The following PCDHB9 variants were observed in gnomAD, a reference collection of about 807,000 sequenced individuals.
PCDHB9 encodes protocadherin beta 9, also known as protocadherin beta-9.
For synonymous variants in PCDHB9, 501 were observed against 439.7 expected, an observed-to-expected ratio of 1.14 and a Z score of -1.75; for missense variants, 1,072 against 995.1, an observed-to-expected ratio of 1.08 and a Z score of -1.04.
chr5:141,188,267 A>G lies in PCDHB9; in HGVS notation c.949A>G (p.Ile317Val), dbSNP rs904408944. ...TTATGAGTTAGTAAATTCTTACAAA[A>G]TAAATATACAGGCAATGGACGGCGG... ...LDYELVNSYK[I>V]NIQAMDGGGL... Residue 317 changes from isoleucine (I) to valine (V), a missense_variant, in exon 1 of 1, where the codon ATA becomes GTA. Ile to Val is a conservative substitution (Grantham distance 29). Coordinates refer to ENST00000316105, the MANE Select transcript of PCDHB9 (RefSeq NM_019119.5). 2.5e-6 allele frequency: 4 copies of G among 1,614,094 alleles called. No individual in the cohort carries two copies. The South Asian group carries it at 4.4e-5, about 18-fold the overall frequency.
chr5:141,189,272 C>G lies in PCDHB9; in HGVS notation c.1954C>G (p.Arg652Gly). Residue 652 changes from arginine to glycine, a missense_variant, in exon 1 of 1, where the codon CGC becomes GGC. Physicochemically the swap from Arg to Gly is moderately radical, Grantham distance 125. Transcript: ENST00000316105. ...VLVKDNGEPP[R>G]SATATLHVLL... ...TGTCAAGGACAATGGCGAGCCTCCT[C>G]GCTCGGCCACCGCCACGCTGCACGT... 1 of 1,605,750 alleles carries G rather than the reference C, an allele frequency of 6.2e-7. No individual in the cohort carries two copies. The highest frequency in any genetic ancestry group is 8.5e-7 in the Non-Finnish European group (1 of 1,177,726).
chr5:141,189,462 G>A lies in PCDHB9; in HGVS notation c.2144G>A (p.Arg715Lys). 3 of 1,612,640 alleles carry A rather than the reference G, an allele frequency of 1.9e-6. No individual in the cohort carries two copies. Among genetic ancestry groups the A allele is most frequent in the Middle Eastern group, 1.9e-4 (1 of 5,276 alleles). The stretch of plus-strand genomic sequence containing the variant: ...CTGTTCGTGGCGGTGCGGCTGTGCA[G>A]GAGGAGCAGGGCGGCCTCGGTGGGT... ...VLLFVAVRLC[R>K]RSRAASVGRC... The change falls in exon 1 of 1, where the codon AGG becomes AAG. Residue 715 changes from arginine (R) to lysine (K), a missense_variant. Arg to Lys is a conservative substitution (Grantham distance 26). Transcript: ENST00000316105.
In PCDHB9 at chr5:141,188,585, G is replaced by A. The variant is rs372037482; in HGVS notation, c.1267G>A (p.Val423Ile). ...AGCTGAGTACAACATCACCATCACC[G>A]TCACTGACTTGGGGACACCCAGGCT... ...SKAEYNITIT[V>I]TDLGTPRLKT... Residue 423 changes from valine (V) to isoleucine (I), a missense_variant, in exon 1 of 1, where the codon GTC (valine) becomes ATC (isoleucine). Transcript: ENST00000316105. The A allele has an allele frequency of 2.9e-5, 47 of 1,613,998 alleles. No homozygotes were observed. The South Asian group carries it at 4.3e-4, about 15-fold the overall frequency.
chr5:141,191,398 TGCA>T lies in PCDHB9; in HGVS notation c.*1688_*1690del, dbSNP rs1753901211. On this transcript the variant is annotated 3_prime_UTR_variant, in exon 1 of 1. Transcript: ENST00000316105. The stretch of plus-strand genomic sequence containing the variant: ...CTGTTCTTTACCTCCCTTTATTTGG[TGCA>T]GAGAAGTTAGATCCTGCTAAATTTC... 2.0e-5 allele frequency: 3 copies of T among 152,306 alleles called. No individual in the cohort carries two copies. The South Asian group carries it at 6.2e-4, about 32-fold the overall frequency. The allele number at this position is 152,306 out of a possible 1,614,324, so 9.4% of individuals were successfully genotyped here.
rs1554283125 is a variant in PCDHB9 at position 141,188,796 on chromosome 5, C to T, written c.1478C>T (p.Pro493Leu). 1.9e-6 allele frequency: 3 copies of T among 1,612,954 alleles called. No homozygotes were observed. Among genetic ancestry groups the T allele is most frequent in the Non-Finnish European group, 2.5e-6 (3 of 1,180,026 alleles). Reference protein sequence around the residue: ...NAQVTYSLLPPQDPHLPLASL... With the variant: ...NAQVTYSLLPLQDPHLPLASL... Reference sequence around the variant, plus strand: ...CAGGTCACCTACTCGCTGCTGCCGCCCCAGGACCCACACCTGCCCCTCGCC... The same window carrying T: ...CAGGTCACCTACTCGCTGCTGCCGCTCCAGGACCCACACCTGCCCCTCGCC... The change falls in exon 1 of 1, where the codon CCC becomes CTC. Residue 493 changes from proline (P) to leucine (L), a missense_variant. Pro to Leu is a moderately conservative substitution (Grantham distance 98). Transcript: ENST00000316105.
Position 141,188,507 on chromosome 5 carries a change from G to A in PCDHB9, c.1189G>A (p.Val397Ile). The change falls in exon 1 of 1, where the codon GTT (valine) becomes ATT (isoleucine). Residue 397 changes from valine to isoleucine, a missense_variant. Transcript: ENST00000316105. ...TCTGCCTTTTTTTCTGAAACCGTCT[G>A]TTGACAATTTTTACATCCTAATGAC... ...DNLPFFLKPSVDNFYILMTEG... is the reference protein window; with the variant it reads ...DNLPFFLKPSIDNFYILMTEG... 6.2e-7 allele frequency: 1 copy of A among 1,614,182 alleles called. No homozygotes were observed. Among genetic ancestry groups the A allele is most frequent in the Non-Finnish European group, 8.5e-7 (1 of 1,180,030 alleles).
Position 141,188,803 on chromosome 5 carries a change from C to A in PCDHB9, c.1485C>A (p.Asp495Glu), listed in dbSNP as rs572314574. The change falls in exon 1 of 1, where the codon GAC becomes GAA. Residue 495 changes from aspartate to glutamate, a missense_variant. Transcript: ENST00000316105. The part of the protein sequence containing the change: ...QVTYSLLPPQ[D>E]PHLPLASLVS... The stretch of plus-strand genomic sequence containing the variant: ...CCTACTCGCTGCTGCCGCCCCAGGA[C>A]CCACACCTGCCCCTCGCCTCCCTGG... 6.2e-7 allele frequency: 1 copy of A among 1,612,954 alleles called. No individual in the cohort carries two copies. Among genetic ancestry groups the A allele is most frequent in the East Asian group, 2.2e-5 (1 of 44,890 alleles).
In PCDHB9 at chr5:141,188,715, C is replaced by T. The variant is rs782727781; in HGVS notation, c.1397C>T (p.Pro466Leu). 6.2e-7 allele frequency: 1 copy of T among 1,613,742 alleles called. No homozygotes were observed. Among genetic ancestry groups the T allele is most frequent in the South Asian group, 1.1e-5 (1 of 91,064 alleles). The change falls in exon 1 of 1, where the codon CCC becomes CTC. Residue 466 changes from proline (P) to leucine (L), a missense_variant. Physicochemically the swap from Pro to Leu is moderately conservative, Grantham distance 98. Coordinates refer to ENST00000316105, the MANE Select transcript of PCDHB9 (RefSeq NM_019119.5). ...CTGTTCGTCCGGGAGAACAACAGCCCCGCCCTGCACATCGGCAGTGTCAGC... is the reference window on the plus strand; with the variant it reads ...CTGTTCGTCCGGGAGAACAACAGCCTCGCCCTGCACATCGGCAGTGTCAGC... ...YTLFVRENNS[P>L]ALHIGSVSAT...
chr5:141,188,118 G>C lies in PCDHB9; in HGVS notation c.800G>C (p.Gly267Ala), dbSNP rs782259465. Residue 267 changes from glycine to alanine, a missense_variant, in exon 1 of 1, where the codon GGA becomes GCA. Transcript: ENST00000316105. ...TCCCTTATTGTTAAAGTGTCTGCAG[G>C]AGATGCAGACTCAGGAGTCAATGCA... ...VGSLIVKVSA[G>A]DADSGVNAEV... 1.9e-6 allele frequency: 3 copies of C among 1,613,060 alleles called. No individual in the cohort carries two copies. The African/African-American group carries it at 4.0e-5, about 22-fold the overall frequency.
In PCDHB9 at chr5:141,191,169, G is replaced by C. The variant is rs566788292; in HGVS notation, c.*1457G>C. 6.6e-6 allele frequency: 1 copy of C among 152,092 alleles called. No individual in the cohort carries two copies. The highest frequency in any genetic ancestry group is 2.4e-5 in the African/African-American group (1 of 41,370). 9.4% of individuals were successfully genotyped at this position (152,092 alleles called of 1,614,324 possible). On this transcript the variant is annotated 3_prime_UTR_variant, in exon 1 of 1. Transcript: ENST00000316105. ...CTCGGGAGGCTGAGGCAGGAGAATC[G>C]CTTGAACCCAGGAGGTGGAAGTTGC...
Position 141,189,914 on chromosome 5 carries a change from T to C in PCDHB9, c.*202T>C, listed in dbSNP as rs1753858958. The C allele has an allele frequency of 2.1e-6, 1 of 473,210 alleles. No homozygotes were observed. The highest frequency in any genetic ancestry group is 2.0e-5 in the African/African-American group (1 of 50,048). The allele number at this position is 473,210 out of a possible 1,614,324, so 29.3% of individuals were successfully genotyped here. On this transcript the variant is annotated 3_prime_UTR_variant, in exon 1 of 1. Transcript: ENST00000316105. ...TCTTACTAGAATCCCATAAGTGAAA[T>C]ATAATATTTTTCAAAGTTGATATCA...
rs782102619 is a variant in PCDHB9 at position 141,188,896 on chromosome 5, T to G, written c.1578T>G (p.Ala526=). ...CGCTGGACTACGAGGCCCTGCAGGC[T>G]TTCGACTTCCGCGTGGGCGCCTCAG... is the stretch of plus-strand genomic sequence containing the variant. ...LRSLDYEALQ[A]FDFRVGASDR... Residue 526 remains alanine, a synonymous_variant, in exon 1 of 1, where the codon GCT becomes GCG. Coordinates refer to ENST00000316105, the MANE Select transcript of PCDHB9 (RefSeq NM_019119.5). The G allele has an allele frequency of 4.1e-5, 66 of 1,612,352 alleles. No individual in the cohort carries two copies. Among genetic ancestry groups the G allele is most frequent in the Middle Eastern group, 2.1e-4 (1 of 4,822 alleles).
rs187432634 is a variant in PCDHB9, at chr5:141,187,922, C to A, written c.604C>A (p.Arg202=). The change falls in exon 1 of 1, where the codon CGG becomes AGG. Residue 202 remains arginine (R), a synonymous_variant. Transcript: ENST00000316105. ...PELVLDKALD[R]EEQEELSLTL... ...GCTAGTGTTGGACAAAGCACTGGAT[C>A]GGGAGGAGCAGGAAGAGCTCAGCTT... 1.2e-6 allele frequency: 2 copies of A among 1,614,108 alleles called. No individual in the cohort carries two copies. The highest frequency in any genetic ancestry group is 1.7e-5 in the Admixed American group (1 of 60,012).
Position 141,189,524 on chromosome 5 carries a change from C to A in PCDHB9, c.2206C>A (p.Leu736Met). 4 of 1,614,088 alleles carry A rather than the reference C, an allele frequency of 2.5e-6. No homozygotes were observed. The South Asian group carries it at 3.3e-5, about 13-fold the overall frequency. ...SVPEGPFPGH[L>M]VDVSGTGTLF... ...GCCCGAGGGTCCTTTTCCAGGGCAT[C>A]TGGTGGACGTGAGCGGCACCGGGAC... The change falls in exon 1 of 1, where the codon CTG becomes ATG. Residue 736 changes from leucine to methionine, a missense_variant. Leu to Met is a conservative substitution (Grantham distance 15). Coordinates refer to ENST00000316105, the MANE Select transcript of PCDHB9 (RefSeq NM_019119.5).
chr5:141,189,771 A>T lies in PCDHB9; in HGVS notation c.*59A>T. ...TAATATATTCTTGTTGGCTAACTAA[A>T]TTGTGTATGCCCACCACAAAGAAGG... On this transcript the variant is annotated 3_prime_UTR_variant, in exon 1 of 1. Transcript: ENST00000316105. The T allele has an allele frequency of 7.1e-7, 1 of 1,413,036 alleles. No individual in the cohort carries two copies. The highest frequency in any genetic ancestry group is 1.4e-5 in the South Asian group (1 of 72,266). The allele number at this position is 1,413,036 out of a possible 1,614,324, so 87.5% of individuals were successfully genotyped here.
At position 141,188,416 on chromosome 5, in the gene PCDHB9, T is replaced by C. The variant is rs782041122; in HGVS notation, c.1098T>C (p.Ala366=). 3.1e-6 allele frequency: 5 copies of C among 1,614,046 alleles called. No individual in the cohort carries two copies. The highest frequency in any genetic ancestry group is 3.3e-5 in the Admixed American group (2 of 60,002). ...AAAACTCTCCTGGGATAGTATTGGC[T>C]GTTTTTAAGATTAAAGACAGAGACT... ...VAENSPGIVL[A]VFKIKDRDSG... Residue 366 remains alanine, a synonymous_variant, in exon 1 of 1, where the codon GCT becomes GCC. Transcript: ENST00000316105.
At position 141,189,942 on chromosome 5, in the gene PCDHB9, T is replaced by A; in HGVS notation, c.*230T>A. 2.4e-6 allele frequency: 1 copy of A among 418,658 alleles called. No individual in the cohort carries two copies. Among genetic ancestry groups the A allele is most frequent in the Non-Finnish European group, 4.1e-6 (1 of 243,730 alleles). The allele number at this position is 418,658 out of a possible 1,614,324, so 25.9% of individuals were successfully genotyped here. A position where few individuals can be genotyped will look rare whatever the true frequency, so the allele number is the denominator to read the frequency against. Reference sequence around the variant, plus strand: ...AATATTTTTCAAAGTTGATATCATTTAAAAATTTTTGGTCGTTTTAAATGT... The same window carrying A: ...AATATTTTTCAAAGTTGATATCATTAAAAAATTTTTGGTCGTTTTAAATGT... On this transcript the variant is annotated 3_prime_UTR_variant, in exon 1 of 1. Coordinates refer to ENST00000316105, the MANE Select transcript of PCDHB9 (RefSeq NM_019119.5).
rs1172887682 is a variant in PCDHB9, at chr5:141,188,147, G to A, written c.829G>A (p.Val277Ile). 3 of 1,611,502 alleles carry A rather than the reference G, an allele frequency of 1.9e-6. No homozygotes were observed. The highest frequency in any genetic ancestry group is 2.7e-5 in the African/African-American group (2 of 74,862). Residue 277 changes from valine to isoleucine, a missense_variant, in exon 1 of 1, where the codon GTA (valine) becomes ATA (isoleucine). Coordinates refer to ENST00000316105, the MANE Select transcript of PCDHB9 (RefSeq NM_019119.5). The stretch of plus-strand genomic sequence containing the variant: ...TGCAGACTCAGGAGTCAATGCAGAA[G>A]TATCCTATTCATTTTTTGATGCTTC... The part of the protein sequence containing the change: ...GDADSGVNAE[V>I]SYSFFDASED...
rs1554283221 is a variant in PCDHB9, at chr5:141,189,052, G to A, written c.1734G>A (p.Arg578=). ...GSAPCTELVP[R]AAEPGYLVTK... Reference sequence around the variant, plus strand: ...CGCCCTGCACCGAGCTGGTGCCCCGGGCGGCCGAGCCGGGCTACCTGGTGA... The same window carrying A: ...CGCCCTGCACCGAGCTGGTGCCCCGAGCGGCCGAGCCGGGCTACCTGGTGA... The change falls in exon 1 of 1, where the codon CGG becomes CGA. Residue 578 remains arginine, a synonymous_variant. Transcript: ENST00000316105. The A allele has an allele frequency of 4.4e-6, 7 of 1,607,376 alleles. No homozygotes were observed. The highest frequency in any genetic ancestry group is 5.9e-6 in the Non-Finnish European group (7 of 1,179,086).
Sources: gnomAD v4.1 joint callset for allele counts on GRCh38, gnomAD v4.1.1 for gene constraint, MANE v1.5 for transcripts, NCBI Gene and HGNC (gene_info 2026-07-23, HGNC 2026-07-21) for gene names.